Variants in RBMS1 observed in about 807,000 individuals in gnomAD.
RBMS1 encodes RNA-binding motif, single-stranded-interacting protein 1.
Under a neutral mutation model 62.3 loss-of-function variants are expected in RBMS1, and 17 were observed. The ratio of observed to expected loss-of-function variants is 0.27; its 90% CI spans 0.19 to 0.41. The LOEUF is 0.41. Among genes scored for constraint, RBMS1 ranks in the 10% least tolerant of loss-of-function variants. The pLI, the probability that RBMS1 is intolerant of heterozygous loss-of-function variation, is 1.00. For synonymous variants in RBMS1, 172 were observed against 170.0 expected (o/e 1.01, Z -0.09); for missense variants, 334 against 504.5 (o/e 0.66, Z 3.24).
chr2:160,421,765 CA>C (rs1405182708), intron 1 of RBMS1, among the ~76,000 whole-genome samples: 1 of 152,234 alleles, frequency 6.6e-6, no homozygotes, highest in Non-Finnish European at 1.5e-5. Context: ...GTCCCACCAA[CA>C]GTGTAAAAAT....
chr2:160,437,615 AT>A (rs1207874170), intron 1 of RBMS1, among the ~76,000 whole-genome samples: 2 of 152,250 alleles, frequency 1.3e-5, no homozygotes, highest in Non-Finnish European at 1.5e-5. Flanking sequence ...CAGTATGTGA[AT>A]ACGACACTTC....
intron 2 of RBMS1, among the ~76,000 whole-genome samples, chr2:160,349,753 TATA>T (rs1213282557): frequency 7.0e-6 from 1 of 143,580 alleles, no homozygotes; most frequent in Non-Finnish European, 1.5e-5. Flanking sequence ...TGATTTTGCT[TATA>T]ATAAGCAAAA....
intron 2 of RBMS1, among the ~76,000 whole-genome samples, chr2:160,340,077 G>A (rs1691790605): frequency 6.6e-6 from 1 of 151,960 alleles, no homozygotes; most frequent in South Asian, 2.1e-4. Flanking sequence ...TTCACCAATG[G>A]TATTACTTTT....
At chr2:160,335,003 A>G (rs1168275094) in intron 2 of RBMS1, among the ~76,000 whole-genome samples, 2 of 152,276 alleles carry the variant, frequency 1.3e-5, no homozygotes, top group Non-Finnish European at 1.5e-5. Flanking sequence ...TCATCACATA[A>G]TAAAAGCAAA....
intron 1 of RBMS1, among the ~76,000 whole-genome samples, chr2:160,446,651 C>G (rs1165278023): frequency 3.3e-5 from 5 of 152,142 alleles, no homozygotes; most frequent in African/African-American, 4.8e-5. Flanking sequence ...GTGGACATGT[C>G]CACTATCAAA....
chr2:160,479,506 A>T (rs1405275134), intron 1 of RBMS1, among the ~76,000 whole-genome samples: 3 of 152,210 alleles, frequency 2.0e-5, no homozygotes, highest in African/African-American at 7.2e-5. Flanking sequence ...CACTGGCCCC[A>T]TTCGCATCCC....
intron 4 of RBMS1, among the ~76,000 whole-genome samples, chr2:160,311,210 A>ATCTCTCTCTCTCTCTCTCTC (rs1361792296): frequency 0.027 from 1,508 of 55,372 alleles, 22 homozygotes; most frequent in East Asian, 0.042. Context: ...AAAAAAAAAA[A>ATCTCTCTCTCTCTCTCTCTC]TCTATCTATC....
chr2:160,371,088 GA>G (rs1275718472), intron 1 of RBMS1, among the ~76,000 whole-genome samples: 1 of 152,162 alleles, frequency 6.6e-6, no homozygotes, highest in African/African-American at 2.4e-5. Context: ...TTAAAACAGT[GA>G]AAAATTAAAC....
chr2:160,297,852 GGAGACA>G (rs1689018234), intron 6 of RBMS1, among the ~76,000 whole-genome samples: 1 of 152,204 alleles, frequency 6.6e-6, no homozygotes, highest in Non-Finnish European at 1.5e-5. Flanking sequence ...GAGGATGGAG[GGAGACA>G]GGACTGCAGA....
chr2:160,459,960 T>G (rs1490069695), intron 1 of RBMS1, among the ~76,000 whole-genome samples: 1 of 152,214 alleles, frequency 6.6e-6, no homozygotes, highest in Admixed American at 6.5e-5. Flanking sequence ...TTTATGACTT[T>G]TCCTACACCA....
In RBMS1 at chr2:160,275,702, G is replaced by T; in HGVS notation, c.1156C>A (p.Gln386Lys). The T allele has an allele frequency of 6.2e-7, 1 of 1,613,742 alleles. No individual in the cohort carries two copies. The highest frequency in any genetic ancestry group is 1.1e-5 in the South Asian group (1 of 91,054). ...GACGTCTCGACAGCCACCTGCTGTTGACCACTTGCCTCCTACAACAAACAA... is the reference window on the plus strand; with the variant it reads ...GACGTCTCGACAGCCACCTGCTGTTTACCACTTGCCTCCTACAACAAACAA... Reference protein sequence around the residue: ...TAVPVEEASGQQQVAVETSND... With the variant: ...TAVPVEEASGKQQVAVETSND... Residue 386 changes from glutamine (Q) to lysine (K), a missense_variant, in exon 13 of 14, where the codon CAA (glutamine) becomes AAA (lysine). Gln to Lys is a moderately conservative substitution (Grantham distance 53). Around this residue, in one of 3 missense-constraint regions of RBMS1, gnomAD observed 182 missense variants for 257.7 expected, o/e 0.71. Transcript: ENST00000348849.
At chr2:160,443,947 T>C (rs1243645558) in intron 1 of RBMS1, among the ~76,000 whole-genome samples, 1 of 152,204 alleles carries the variant, frequency 6.6e-6, no homozygotes, top group Admixed American at 6.5e-5. Context: ...TTGTAGAGTT[T>C]CTGGTAAGAT....
intron 2 of RBMS1, among the ~76,000 whole-genome samples, chr2:160,321,843 A>G (rs1690577927): frequency 6.6e-6 from 1 of 152,200 alleles, no homozygotes; most frequent in South Asian, 2.1e-4. Flanking sequence ...GTTCCTAGAC[A>G]CATGCAAAAA....
chr2:160,428,464 T>G (rs1188472348), intron 1 of RBMS1, among the ~76,000 whole-genome samples: 4 of 152,134 alleles, frequency 2.6e-5, no homozygotes, highest in African/African-American at 9.7e-5. Flanking sequence ...TGTCGGGGAA[T>G]TATTTTTATA....
At chr2:160,427,079 T>C (rs1171732088) in intron 1 of RBMS1, among the ~76,000 whole-genome samples, 1 of 152,234 alleles carries the variant, frequency 6.6e-6, no homozygotes, top group African/African-American at 2.4e-5. Flanking sequence ...AGCCTATGAC[T>C]GAAAACTCCA....
At chr2:160,364,535 C>T (rs1186683216) in intron 2 of RBMS1, among the ~76,000 whole-genome samples, 1 of 152,172 alleles carries the variant, frequency 6.6e-6, no homozygotes, top group African/African-American at 2.4e-5. Flanking sequence ...CTACACTTTC[C>T]AGGGTCATGA....
At chr2:160,421,746 T>C (rs1696439471) in intron 1 of RBMS1, among the ~76,000 whole-genome samples, 1 of 152,220 alleles carries the variant, frequency 6.6e-6, no homozygotes, top group African/African-American at 2.4e-5. Flanking sequence ...ATGGTTGAAC[T>C]AGTTTACAGT....
chr2:160,355,046 C>T (rs1692721647), intron 2 of RBMS1, among the ~76,000 whole-genome samples: 1 of 152,112 alleles, frequency 6.6e-6, no homozygotes, highest in African/African-American at 2.4e-5. Flanking sequence ...TGAAGTCAAA[C>T]AATTCTAATC....
rs752857191 is a variant in RBMS1 at position 160,284,885 on chromosome 2, A to T, written c.807-17T>A. The T allele has an allele frequency of 1.9e-6, 3 of 1,579,534 alleles. No homozygotes were observed. In the East Asian group the frequency reaches 6.7e-5, roughly 35 times the overall value. Reference sequence around the variant, plus strand: ...GGATAAAATCTAGAACAAACACAAAAGCCTTTATTAAGTAATCCTTTAAAT... The same window carrying T: ...GGATAAAATCTAGAACAAACACAAATGCCTTTATTAAGTAATCCTTTAAAT... On this transcript the variant is annotated splice_polypyrimidine_tract_variant and intron_variant, in intron 8 of 13. Coordinates refer to ENST00000348849, the MANE Select transcript of RBMS1 (RefSeq NM_016836.4).
Sources: allele counts gnomAD v4.1 joint callset (sites outside exome capture counted in the v4.1 genomes callset), GRCh38; gene constraint gnomAD v4.1.1; regional missense constraint gnomAD v4.1.1; transcripts MANE v1.5; gene names NCBI Gene and HGNC (gene_info 2026-07-23, HGNC 2026-07-21).